The following EYA1 variants were observed in gnomAD, a reference collection of about 807,000 sequenced individuals.
EYA1 encodes protein phosphatase EYA1.
EYA1 carries 16 observed loss-of-function variants against 82.0 expected under a neutral mutation model. The ratio of observed to expected loss-of-function variants is 0.20; its 90% CI spans 0.13 to 0.30. The LOEUF is 0.30. Among genes scored for constraint, EYA1 ranks in the 10% least tolerant of loss-of-function variants. The pLI is 1.00. For synonymous variants in EYA1, 261 were observed against 264.4 expected, an observed-to-expected ratio of 0.99 and a Z score of 0.12; for missense variants, 633 against 730.7, an observed-to-expected ratio of 0.87 and a Z score of 1.54.
At chr8:71,422,368 G>A (rs1586686456) in intron 2 of EYA1, among the ~76,000 whole-genome samples, 1 of 152,260 alleles carries the variant, frequency 6.6e-6, no homozygotes, top group South Asian at 2.1e-4. Context: ...ATTGGTTACT[G>A]ATCTTTGGTA....
chr8:71,477,055 C>T (rs934439205), intron 2 of EYA1, among the ~76,000 whole-genome samples: 1 of 152,040 alleles, frequency 6.6e-6, no homozygotes, highest in Non-Finnish European at 1.5e-5. Flanking sequence ...CCCTACAACA[C>T]ATCAAGACCT....
intron 1 of EYA1, among the ~76,000 whole-genome samples, chr8:71,546,549 A>G (rs1232465649): frequency 6.8e-6 from 1 of 146,588 alleles, no homozygotes; most frequent in Admixed American, 6.9e-5. Flanking sequence ...CGCCCAGGCT[A>G]GACTGCAGTG....
chr8:71,434,973 C>A (rs1282866093), intron 2 of EYA1, among the ~76,000 whole-genome samples: 1 of 152,114 alleles, frequency 6.6e-6, no homozygotes, highest in Non-Finnish European at 1.5e-5. Flanking sequence ...TATGTACACA[C>A]ACACACACAT....
chr8:71,485,420 G>A (rs1416322908), intron 2 of EYA1, among the ~76,000 whole-genome samples: 3 of 152,212 alleles, frequency 2.0e-5, no homozygotes, highest in African/African-American at 2.4e-5. Flanking sequence ...AAACTGACAA[G>A]GAGGCAATGG....
intron 4 of EYA1, among the ~76,000 whole-genome samples, chr8:71,331,773 C>T (rs1014300218): frequency 6.6e-6 from 1 of 152,140 alleles, no homozygotes; most frequent in Non-Finnish European, 1.5e-5. Flanking sequence ...GTGTACAGAT[C>T]CACATTATTG....
chr8:71,495,598 CA>C (rs1811355521), intron 2 of EYA1, among the ~76,000 whole-genome samples: 1 of 152,042 alleles, frequency 6.6e-6, no homozygotes, highest in African/African-American at 2.4e-5. Context: ...GGCGACAGAC[CA>C]AGACTCTGTC....
chr8:71,514,476 G>T (rs1279311533), intron 2 of EYA1, among the ~76,000 whole-genome samples: 1 of 152,114 alleles, frequency 6.6e-6, no homozygotes, highest in Admixed American at 6.6e-5. Flanking sequence ...TCACACTGCT[G>T]ATAAAGACAT....
intron 12 of EYA1, among the ~76,000 whole-genome samples, chr8:71,226,659 T>C (rs1347902752): frequency 6.7e-6 from 1 of 148,802 alleles, no homozygotes; most frequent in Non-Finnish European, 1.5e-5. Flanking sequence ...TCCATTACCT[T>C]AGTGACTCAG....
chr8:71,236,369 G>A (rs1407007673), intron 12 of EYA1, among the ~76,000 whole-genome samples: 1 of 152,140 alleles, frequency 6.6e-6, no homozygotes, highest in African/African-American at 2.4e-5. Context: ...CATACATGTT[G>A]AAGAGGTATG....
At chr8:71,485,891 A>G (rs1810531715) in intron 2 of EYA1, among the ~76,000 whole-genome samples, 1 of 152,126 alleles carries the variant, frequency 6.6e-6, no homozygotes, top group Non-Finnish European at 1.5e-5. Flanking sequence ...TGAAACAATA[A>G]AAAAAAGTTA....
intron 17 of EYA1, among the ~76,000 whole-genome samples, chr8:71,209,761 A>G (rs929320380): frequency 2.0e-5 from 3 of 152,210 alleles, no homozygotes; most frequent in Non-Finnish European, 4.4e-5. Flanking sequence ...TGTGTAAGGA[A>G]GGGAATGGAA....
At chr8:71,255,016 C>G (rs892360398) in intron 11 of EYA1, among the ~76,000 whole-genome samples, 4 of 151,970 alleles carry the variant, frequency 2.6e-5, no homozygotes, top group African/African-American at 9.7e-5. Flanking sequence ...TGAAAGAAAT[C>G]AAATACTTAG....
intron 12 of EYA1, among the ~76,000 whole-genome samples, chr8:71,233,172 T>C (rs985974150): frequency 6.6e-6 from 1 of 152,178 alleles, no homozygotes; most frequent in Admixed American, 6.5e-5. Flanking sequence ...AAACATTACA[T>C]ATAGAAAGTA....
chr8:71,204,628 T>C (rs1319536057), intron 17 of EYA1, among the ~76,000 whole-genome samples: 1 of 152,188 alleles, frequency 6.6e-6, no homozygotes, highest in Admixed American at 6.5e-5. Flanking sequence ...TGGACTGATA[T>C]AGAATAACTG....
intron 7 of EYA1, among the ~76,000 whole-genome samples, chr8:71,313,651 A>G (rs1329272860): frequency 1.3e-5 from 2 of 152,310 alleles, no homozygotes; most frequent in Admixed American, 1.3e-4. Flanking sequence ...CCAGATAAGG[A>G]AACACATGTG....
intron 2 of EYA1, among the ~76,000 whole-genome samples, chr8:71,478,639 G>T (rs1430785912): frequency 6.6e-6 from 1 of 152,116 alleles, no homozygotes; most frequent in East Asian, 1.9e-4. Flanking sequence ...ACATGCTGTG[G>T]ACCTCAGCCA....
chr8:71,438,217 A>C (rs1248754868), intron 2 of EYA1, among the ~76,000 whole-genome samples: 4 of 152,148 alleles, frequency 2.6e-5, no homozygotes, highest in Admixed American at 2.6e-4. Flanking sequence ...CTTTCCCAAG[A>C]ATAACAAGAG....
In EYA1 at chr8:71,501,101, G is replaced by A. The variant is rs190989007; in HGVS notation, c.33+34643C>T. ...CTCATACTGCCATTACATTCTATTA[G>A]CATACTAGAATAAATTTATCATATT... On this transcript the variant is annotated intron_variant, in intron 2 of 18. Transcript: ENST00000643681. Among the ~76,000 whole-genome samples, 393 of 152,246 alleles carry A rather than the reference G, an allele frequency of 2.6e-3. 1 individual carries two copies. Among genetic ancestry groups the A allele is most frequent in the Non-Finnish European group, 3.6e-3 (245 of 68,022 alleles).
intron 2 of EYA1, among the ~76,000 whole-genome samples, chr8:71,401,096 T>G (rs148921897): frequency 6.6e-6 from 1 of 151,958 alleles, no homozygotes; most frequent in Non-Finnish European, 1.5e-5. Context: ...TGAGAACACA[T>G]GGACACAGGG....
Sources: gnomAD v4.1 joint callset for allele counts (sites outside exome capture counted in the v4.1 genomes callset) on GRCh38, gnomAD v4.1.1 for gene constraint, MANE v1.5 for transcripts, NCBI Gene and HGNC (gene_info 2026-07-23, HGNC 2026-07-21) for gene names.